Variants in CHRNA7 observed in about 807,000 individuals in gnomAD.
The protein encoded by CHRNA7 is cholinergic receptor nicotinic alpha 7 subunit, also known as neuronal acetylcholine receptor subunit alpha-7.
A neutral mutation model predicts 48.0 loss-of-function variants in CHRNA7; 17 were observed. The observed-to-expected ratio is 0.35, with a 90% CI of 0.24 to 0.53. CHRNA7 has a LOEUF of 0.53. Among genes scored for constraint, CHRNA7 ranks in the 20% least tolerant of loss-of-function variants. CHRNA7 has a pLI of 0.92. For synonymous variants in CHRNA7, 75 were observed against 242.3 expected (o/e 0.31, Z 6.41); for missense variants, 155 against 577.7 (o/e 0.27, Z 7.50).
At chr15:32,077,282 A>G (rs2050149984) in intron 2 of CHRNA7, among the ~76,000 whole-genome samples, 2 of 152,176 alleles carry the variant, frequency 1.3e-5, no homozygotes, top group African/African-American at 2.4e-5. Context: ...TTGTGTGGAC[A>G]TATGTTTTCA....
At chr15:32,092,532 G>A (rs186812600) in intron 2 of CHRNA7, among the ~76,000 whole-genome samples, 1 of 151,942 alleles carries the variant, frequency 6.6e-6, no homozygotes, top group East Asian at 1.9e-4. Context: ...CCTTCTTGTG[G>A]CTGTCATTCC....
At chr15:32,121,026 G>A (rs1331691904) in intron 4 of CHRNA7, among the ~76,000 whole-genome samples, 1 of 152,182 alleles carries the variant, frequency 6.6e-6, no homozygotes, top group Non-Finnish European at 1.5e-5. Context: ...CACTAGAGAT[G>A]CGCTCTTCAG....
chr15:32,081,975 C>G (rs1056326543), intron 2 of CHRNA7, among the ~76,000 whole-genome samples: 1 of 152,038 alleles, frequency 6.6e-6, no homozygotes, highest in Non-Finnish European at 1.5e-5. Flanking sequence ...ATATATTTCA[C>G]TGTATATAGG....
At chr15:32,140,370 C>T (rs893332034) in intron 4 of CHRNA7, among the ~76,000 whole-genome samples, 9 of 152,136 alleles carry the variant, frequency 5.9e-5, no homozygotes, top group Admixed American at 3.3e-4. Context: ...TGAATAGTGC[C>T]GCAATAAATA....
intron 2 of CHRNA7, among the ~76,000 whole-genome samples, chr15:32,092,787 C>T (rs1019967842): frequency 2.6e-5 from 4 of 152,182 alleles, no homozygotes; most frequent in Non-Finnish European, 5.9e-5. Context: ...TTATCCCCTT[C>T]CCTTTCTATT....
chr15:32,036,775 T>G (rs200741816), intron 2 of CHRNA7, among the ~76,000 whole-genome samples: 1 of 582 alleles, frequency 1.7e-3, no homozygotes, highest in African/African-American at 1.8e-3. Flanking sequence ...TTTCAGTGGG[T>G]TTTTTTTTTT....
chr15:32,138,785 G>A (rs1348975318), intron 4 of CHRNA7, among the ~76,000 whole-genome samples: 5 of 108,312 alleles, frequency 4.6e-5, no homozygotes, highest in Non-Finnish European at 8.3e-5. Flanking sequence ...ATGGTGTATC[G>A]CTCTGTCGCC....
At chr15:32,036,713 G>T (rs1357132830) in intron 2 of CHRNA7, among the ~76,000 whole-genome samples, 2 of 150,068 alleles carry the variant, frequency 1.3e-5, no homozygotes, top group African/African-American at 2.4e-5. Context: ...GAAGCTTATT[G>T]CCATCTGTAG....
In CHRNA7 at chr15:32,030,528, C is replaced by T; in HGVS notation, c.-67C>T. 3.0e-6 allele frequency: 4 copies of T among 1,349,624 alleles called. No individual in the cohort carries two copies. Among genetic ancestry groups the T allele is most frequent in the Non-Finnish European group, 3.8e-6 (4 of 1,055,770 alleles). The allele number at this position is 1,349,624 out of a possible 1,614,324, so 83.6% of individuals were successfully genotyped here. A position where few individuals can be genotyped will look rare whatever the true frequency, so the allele number is the denominator to read the frequency against. On this transcript the variant is annotated 5_prime_UTR_variant, in exon 1 of 10. Transcript: ENST00000306901. ...GAGCGGCGAGGTGCCTCTGTGGCCGCAGGCGCAGGCCCGGGCGACAGCCGA... is the reference window on the plus strand; with the variant it reads ...GAGCGGCGAGGTGCCTCTGTGGCCGTAGGCGCAGGCCCGGGCGACAGCCGA...
intron 2 of CHRNA7, among the ~76,000 whole-genome samples, chr15:32,052,427 A>G (rs1282670568): frequency 1.3e-5 from 2 of 152,142 alleles, no homozygotes; most frequent in Non-Finnish European, 2.9e-5. Context: ...AGTTGGTTAA[A>G]GGGAGTAAGT....
intron 4 of CHRNA7, chr15:32,153,391 T>C (rs1161225024): frequency 1.4e-5 from 2 of 141,944 alleles, no homozygotes; most frequent in East Asian, 2.1e-4. Flanking sequence ...CACTGCACTC[T>C]AGCCTGGGCA....
At chr15:32,070,078 A>G (rs1159007508) in intron 2 of CHRNA7, among the ~76,000 whole-genome samples, 1 of 152,230 alleles carries the variant, frequency 6.6e-6, no homozygotes, top group African/African-American at 2.4e-5. Flanking sequence ...AGCCAGCTTT[A>G]TTGAAGCTGT....
intron 2 of CHRNA7, among the ~76,000 whole-genome samples, chr15:32,061,217 A>T (rs1475242318): frequency 6.6e-6 from 1 of 151,930 alleles, no homozygotes; most frequent in African/African-American, 2.4e-5. Flanking sequence ...GGCTCAGGAA[A>T]CCCCTTCACT....
intron 4 of CHRNA7, among the ~76,000 whole-genome samples, chr15:32,141,192 T>G (rs938677926): frequency 7.9e-5 from 12 of 152,236 alleles, no homozygotes; most frequent in Non-Finnish European, 1.8e-4. Flanking sequence ...CTTTCCCCAT[T>G]TCTTGTTTTT....
intron 4 of CHRNA7, among the ~76,000 whole-genome samples, chr15:32,137,215 T>C (rs1371498902): frequency 6.6e-6 from 1 of 151,882 alleles, no homozygotes; most frequent in Non-Finnish European, 1.5e-5. Context: ...TCTCTATGCA[T>C]TTAAATCGAA....
In CHRNA7 at chr15:32,047,212, T is replaced by G. The variant is rs867931672; in HGVS notation, c.195+16175T>G. On this transcript the variant is annotated intron_variant, in intron 2 of 9. Coordinates refer to ENST00000306901, the MANE Select transcript of CHRNA7 (RefSeq NM_000746.6). The stretch of plus-strand genomic sequence containing the variant: ...GTTTTTTCCAATTCTGTGAAGAAAG[T>G]CATTGGTAGCTTGATGGGGATGGCA... Among the ~76,000 whole-genome samples the G allele has an allele frequency of 4.8e-4, 68 of 141,510 alleles. No homozygotes were observed. In the South Asian group the frequency reaches 0.014, roughly 30 times the overall value. The allele number at this position is 141,510 out of a possible 152,430, so 92.8% of individuals were successfully genotyped here.
intron 4 of CHRNA7, among the ~76,000 whole-genome samples, chr15:32,135,508 C>T (rs2051239278): frequency 6.6e-6 from 1 of 152,168 alleles, no homozygotes; most frequent in African/African-American, 2.4e-5. Context: ...CTGAGAACTT[C>T]CGCATCTATC....
At chr15:32,038,071 T>TAA (rs1566793491) in intron 2 of CHRNA7, among the ~76,000 whole-genome samples, 1 of 146,786 alleles carries the variant, frequency 6.8e-6, no homozygotes, top group Admixed American at 6.8e-5. Context: ...TATATATATA[T>TAA]AAATATACAT....
At position 32,106,805 on chromosome 15, in the gene CHRNA7, T is replaced by G. The variant is rs116107698; in HGVS notation, c.241-4985T>G. 9.4e-3 allele frequency among the ~76,000 whole-genome samples: 1,433 copies of G among 152,348 alleles called. 14 individuals carry two copies. Among genetic ancestry groups the G allele is most frequent in the African/African-American group, 0.025 (1,058 of 41,578 alleles). On this transcript the variant is annotated intron_variant, in intron 3 of 9. Coordinates refer to ENST00000306901, the MANE Select transcript of CHRNA7 (RefSeq NM_000746.6). ...TCCTTCTCTAACTTTAACCTCCTAA[T>G]TCTAATTATGGTACTAATAGCATTC... is the stretch of plus-strand genomic sequence containing the variant.
Sources: gnomAD v4.1 joint callset for allele counts (sites outside exome capture counted in the v4.1 genomes callset) on GRCh38, gnomAD v4.1.1 for gene constraint, MANE v1.5 for transcripts, NCBI Gene and HGNC (gene_info 2026-07-23, HGNC 2026-07-21) for gene names.